Variants in ZNF385D observed in about 807,000 individuals in gnomAD.
ZNF385D encodes zinc finger protein 385D.
Under a neutral mutation model 35.8 loss-of-function variants are expected in ZNF385D, and 15 were observed. That is an observed-to-expected ratio of 0.42 (90% confidence interval 0.28 to 0.64). The LOEUF (loss-of-function observed/expected upper bound fraction) is 0.64, where lower values mean the gene tolerates loss of function less well. ZNF385D is among the 30% of genes least tolerant of loss of function. The pLI is 0.23. For missense variants in ZNF385D, 474 were observed against 494.6 expected (o/e 0.96, Z 0.39); for synonymous variants, 212 against 186.8 (o/e 1.13, Z -1.10).
At chr3:21,771,821 G>T (rs1488485758) in intron 3 of ZNF385D, among the ~76,000 whole-genome samples, 2 of 151,890 alleles carry the variant, frequency 1.3e-5, no homozygotes, top group East Asian at 1.9e-4. Context: ...CACACTTACT[G>T]ATTTTAAAAC....
chr3:22,077,067 T>C (rs952964393), intron 3 of ZNF385D, among the ~76,000 whole-genome samples: 4 of 151,922 alleles, frequency 2.6e-5, no homozygotes, highest in African/African-American at 9.7e-5. Flanking sequence ...AAGACCTTAA[T>C]ACCCATAATA....
At chr3:22,297,350 C>T (rs765380843) in intron 2 of ZNF385D, among the ~76,000 whole-genome samples, 3 of 152,102 alleles carry the variant, frequency 2.0e-5, no homozygotes. Context: ...ATCTTTTGGC[C>T]AGACCTCTGC....
intron 3 of ZNF385D, among the ~76,000 whole-genome samples, chr3:22,105,644 G>A (rs1576328919): frequency 6.6e-6 from 1 of 152,042 alleles, no homozygotes; most frequent in South Asian, 2.1e-4. Flanking sequence ...AAGGGCAAGA[G>A]ATGACAGATG....
At chr3:22,144,442 G>A (rs1704716305) in intron 3 of ZNF385D, among the ~76,000 whole-genome samples, 1 of 151,798 alleles carries the variant, frequency 6.6e-6, no homozygotes, top group Non-Finnish European at 1.5e-5. Context: ...ACCCAGGTGT[G>A]GTGGTGCATG....
intron 2 of ZNF385D, among the ~76,000 whole-genome samples, chr3:22,370,993 T>C (rs553922154): frequency 6.6e-6 from 1 of 152,258 alleles, no homozygotes; most frequent in East Asian, 1.9e-4. Context: ...GTTTGCCCAT[T>C]CCCCTAGTCT....
At chr3:22,111,640 G>C (rs1212661652) in intron 3 of ZNF385D, among the ~76,000 whole-genome samples, 1 of 152,052 alleles carries the variant, frequency 6.6e-6, no homozygotes, top group Non-Finnish European at 1.5e-5. Context: ...TTAGTGAATT[G>C]AACACATGGT....
At chr3:21,466,124 T>C (rs2125326798) in intron 4 of ZNF385D, among the ~76,000 whole-genome samples, 1 of 152,296 alleles carries the variant, frequency 6.6e-6, no homozygotes, top group South Asian at 2.1e-4. Flanking sequence ...TGTCTTCACA[T>C]CTTCCATTAT....
chr3:22,108,655 G>T (rs900518643), intron 3 of ZNF385D, among the ~76,000 whole-genome samples: 1 of 152,158 alleles, frequency 6.6e-6, no homozygotes, highest in Non-Finnish European at 1.5e-5. Flanking sequence ...TCTCTCATCT[G>T]TGAAGTGAAC....
At chr3:21,902,474 G>A (rs1030443986) in intron 3 of ZNF385D, among the ~76,000 whole-genome samples, 15 of 152,056 alleles carry the variant, frequency 9.9e-5, no homozygotes, top group Non-Finnish European at 1.8e-4. Context: ...GTATCTGATG[G>A]GAATAGATCA....
At position 21,419,388 on chromosome 3, in the gene ZNF385D, A is replaced by G. The variant is rs189283060; in HGVS notation, c.*1826T>C. The G allele has an allele frequency of 6.6e-6, 1 of 152,232 alleles. No homozygotes were observed. Among genetic ancestry groups the G allele is most frequent in the African/African-American group, 2.4e-5 (1 of 41,564 alleles). 9.4% of individuals were successfully genotyped at this position (152,232 alleles called of 1,614,324 possible). On this transcript the variant is annotated 3_prime_UTR_variant, in exon 8 of 8. Coordinates refer to ENST00000281523, the MANE Select transcript of ZNF385D (RefSeq NM_024697.3). Reference sequence around the variant, plus strand: ...TTTAATGTTGAGCACCAAGCACGCTATGGTGTTTCTTAAATATAAAATGAT... The same window carrying G: ...TTTAATGTTGAGCACCAAGCACGCTGTGGTGTTTCTTAAATATAAAATGAT...
chr3:21,816,504 G>T (rs905927993), intron 3 of ZNF385D, among the ~76,000 whole-genome samples: 1 of 152,122 alleles, frequency 6.6e-6, no homozygotes, highest in African/African-American at 2.4e-5. Context: ...AAATCAATAT[G>T]CAAATATCAC....
At chr3:22,158,953 G>T (rs533416885) in intron 3 of ZNF385D, among the ~76,000 whole-genome samples, 5 of 151,956 alleles carry the variant, frequency 3.3e-5, no homozygotes, top group African/African-American at 1.2e-4. Flanking sequence ...GAAAACAAAA[G>T]TTAAAAAGCT....
chr3:22,326,511 G>A (rs1253016763), intron 2 of ZNF385D, among the ~76,000 whole-genome samples: 2 of 152,076 alleles, frequency 1.3e-5, no homozygotes, highest in South Asian at 2.1e-4. Context: ...TATTTTCCAT[G>A]CACAGGATAC....
At chr3:21,576,002 A>G (rs2063486394) in intron 2 of ZNF385D, among the ~76,000 whole-genome samples, 1 of 152,224 alleles carries the variant, frequency 6.6e-6, no homozygotes. Flanking sequence ...AATAGAAGCA[A>G]TGGCATATGG....
intron 2 of ZNF385D, among the ~76,000 whole-genome samples, chr3:22,292,740 T>A (rs893138932): frequency 6.6e-5 from 10 of 152,128 alleles, no homozygotes; most frequent in Admixed American, 2.6e-4. Context: ...GAAATATTTT[T>A]AAAATGTGCT....
chr3:22,144,125 C>A (rs1430652913), intron 3 of ZNF385D, among the ~76,000 whole-genome samples: 1 of 152,018 alleles, frequency 6.6e-6, no homozygotes, highest in Non-Finnish European at 1.5e-5. Context: ...TTTGCATGAG[C>A]TTTGACAACT....
intron 2 of ZNF385D, among the ~76,000 whole-genome samples, chr3:22,261,843 C>CTA (rs1336366415): frequency 2.0e-5 from 3 of 151,982 alleles, no homozygotes; most frequent in Non-Finnish European, 2.9e-5. Flanking sequence ...CTCCTCAAGC[C>CTA]TATGGGTGAT....
chr3:21,487,218 G>C (rs770084772), intron 4 of ZNF385D, among the ~76,000 whole-genome samples: 17 of 152,000 alleles, frequency 1.1e-4, no homozygotes, highest in Admixed American at 3.3e-4. Context: ...AATGCCTCCA[G>C]TGTTTTTTCT....
intron 2 of ZNF385D, among the ~76,000 whole-genome samples, chr3:21,577,459 G>A (rs1030708808): frequency 1.3e-4 from 20 of 152,134 alleles, no homozygotes; most frequent in Non-Finnish European, 2.5e-4. Flanking sequence ...GCATAATACT[G>A]CGATAAACAC....
Sources: gnomAD v4.1 joint callset for allele counts (sites outside exome capture counted in the v4.1 genomes callset) on GRCh38, gnomAD v4.1.1 for gene constraint, MANE v1.5 for transcripts, NCBI Gene and HGNC (gene_info 2026-07-23, HGNC 2026-07-21) for gene names.